Variants in MAST2 observed in about 807,000 individuals in gnomAD.
The protein encoded by MAST2 is microtubule-associated serine/threonine-protein kinase 2.
A neutral mutation model predicts 147.4 loss-of-function variants in MAST2; 70 were observed. The ratio of observed to expected loss-of-function variants is 0.47; its 90% confidence interval spans 0.39 to 0.58. MAST2 has a LOEUF of 0.58. MAST2 is among the 20% of genes least tolerant of loss of function. The pLI is 0.00. For missense variants in MAST2, 2,080 were observed against 2,302.3 expected, an observed-to-expected ratio of 0.90 and a Z score of 1.98; for synonymous variants, 869 against 896.8, an observed-to-expected ratio of 0.97 and a Z score of 0.55.
At chr1:46,015,525 C>T (rs1187718222) in intron 10 of MAST2, among the ~76,000 whole-genome samples, 1 of 152,132 alleles carries the variant, frequency 6.6e-6, no homozygotes, top group Non-Finnish European at 1.5e-5. Context: ...TACAAACTAC[C>T]ATCAGAGAAT....
chr1:46,026,926 A>G (rs1646438427), intron 16 of MAST2, among the ~76,000 whole-genome samples: 1 of 152,176 alleles, frequency 6.6e-6, no homozygotes, highest in South Asian at 2.1e-4. Context: ...ATAGGGAATA[A>G]TTACACCTAC....
chr1:46,029,356 C>T (rs903821120), intron 18 of MAST2, 110 bp from the exon 19 acceptor site: 2 of 817,444 alleles, frequency 2.4e-6, no homozygotes, highest in South Asian at 1.9e-5. Context: ...TCAGGGGCTC[C>T]AGGCTGGGTC....
intron 10 of MAST2, among the ~76,000 whole-genome samples, chr1:46,013,680 CA>C (rs71587098): frequency 0.37 from 48,737 of 132,120 alleles, 8,180 homozygotes; most frequent in African/African-American, 0.46. Context: ...AACTCTGTCT[CA>C]AAAAAAAAAA....
chr1:45,923,334 G>A (rs1009254939), intron 4 of MAST2, among the ~76,000 whole-genome samples: 2 of 152,150 alleles, frequency 1.3e-5, no homozygotes, highest in African/African-American at 4.8e-5. Flanking sequence ...CGGCGTCATG[G>A]CAGTGACTGC....
intron 3 of MAST2, among the ~76,000 whole-genome samples, chr1:45,842,649 T>C (rs986714074): frequency 2.0e-5 from 3 of 152,234 alleles, no homozygotes; most frequent in South Asian, 2.1e-4. Flanking sequence ...CTTCTTTTGG[T>C]TGAATAATAT....
chr1:45,819,813 T>G (rs1394625972), intron 1 of MAST2, among the ~76,000 whole-genome samples: 1 of 152,082 alleles, frequency 6.6e-6, no homozygotes, highest in Non-Finnish European at 1.5e-5. Context: ...AAAATACCAA[T>G]GACATTCTCC....
At position 45,959,385 on chromosome 1, in the gene MAST2, G is replaced by A; in HGVS notation, c.501-1G>A. On this transcript the variant is annotated splice_acceptor_variant, in intron 4 of 28. Coordinates refer to ENST00000361297, the MANE Select transcript of MAST2 (RefSeq NM_015112.3). LOFTEE classifies it high-confidence loss of function. The stretch of plus-strand genomic sequence containing the variant: ...TAATTCATATTTTGTTTTCATTGCA[G>A]TTGTCGGACAAGTAACCGCAAGAGC... 6.2e-7 allele frequency: 1 copy of A among 1,613,350 alleles called. No homozygotes were observed. Among genetic ancestry groups the A allele is most frequent in the Non-Finnish European group, 8.5e-7 (1 of 1,179,466 alleles).
chr1:45,814,559 G>T (rs561930774), intron 1 of MAST2, among the ~76,000 whole-genome samples: 2 of 152,140 alleles, frequency 1.3e-5, no homozygotes, highest in African/African-American at 2.4e-5. Context: ...CACCAAGGCG[G>T]GTGTATCACC....
intron 4 of MAST2, among the ~76,000 whole-genome samples, chr1:45,904,708 C>T (rs1413333949): frequency 6.6e-6 from 1 of 152,168 alleles, no homozygotes; most frequent in African/African-American, 2.4e-5. Flanking sequence ...TCAAGTGATC[C>T]ACCCTGCTTG....
At chr1:45,805,981 T>A (rs947634383) in intron 1 of MAST2, among the ~76,000 whole-genome samples, 12 of 152,264 alleles carry the variant, frequency 7.9e-5, no homozygotes, top group African/African-American at 2.9e-4. Context: ...TCTTCACTTA[T>A]GCTTTCCCAA....
At chr1:45,986,660 T>TGAGCCGA (rs1366983030) in intron 5 of MAST2, among the ~76,000 whole-genome samples, 3 of 143,164 alleles carry the variant, frequency 2.1e-5, no homozygotes, top group Non-Finnish European at 4.5e-5. Flanking sequence ...GAGCTTGCAG[T>TGAGCCGA]GAGCCGAGAT....
At chr1:45,838,703 T>C (rs146248454) in intron 3 of MAST2, among the ~76,000 whole-genome samples, 109 of 152,326 alleles carry the variant, frequency 7.2e-4, no homozygotes, top group Middle Eastern at 3.4e-3. Context: ...ACATTTTCAT[T>C]TTCTTATCAG....
chr1:46,023,967 G>A lies in MAST2; in HGVS notation c.1767G>A (p.Met589Ile). The A allele has an allele frequency of 1.2e-6, 2 of 1,614,208 alleles. No individual in the cohort carries two copies. The highest frequency in any genetic ancestry group is 1.7e-6 in the Non-Finnish European group (2 of 1,180,018). Residue 589 changes from methionine to isoleucine, a missense_variant, in exon 15 of 29, where the codon ATG becomes ATA. Physicochemically the swap from Met to Ile is conservative, Grantham distance 10. Coordinates refer to ENST00000361297, the MANE Select transcript of MAST2 (RefSeq NM_015112.3). The surrounding 1 kb of genome is among the most constrained non-coding windows in gnomAD (Gnocchi z 4.9). Reference sequence around the variant, plus strand: ...CCAAGCGCCACTTGTGCATGGTGATGGAGTACGTTGAAGGTACTGAGGCAA... The same window carrying A: ...CCAAGCGCCACTTGTGCATGGTGATAGAGTACGTTGAAGGTACTGAGGCAA... Reference protein sequence around the residue: ...FDTKRHLCMVMEYVEGGDCAT... With the variant: ...FDTKRHLCMVIEYVEGGDCAT...
At chr1:45,985,079 C>T (rs1029468726) in intron 5 of MAST2, among the ~76,000 whole-genome samples, 13 of 151,912 alleles carry the variant, frequency 8.6e-5, no homozygotes, top group South Asian at 2.1e-4. Context: ...TTTTTTGAGA[C>T]GGAGTTTCAC....
At chr1:45,949,171 A>T (rs1276747539) in intron 4 of MAST2, among the ~76,000 whole-genome samples, 2 of 152,160 alleles carry the variant, frequency 1.3e-5, no homozygotes, top group Non-Finnish European at 2.9e-5. Flanking sequence ...AGGAATGGGC[A>T]GATTTCATGA....
At position 46,031,614 on chromosome 1, in the gene MAST2, C is replaced by T. The variant is rs759187969; in HGVS notation, c.3187+29C>T. 4 of 1,595,394 alleles carry T rather than the reference C, an allele frequency of 2.5e-6. No homozygotes were observed. The South Asian group carries it at 4.5e-5, about 18-fold the overall frequency. ...AGGCCCCTGGGGAGCTGGGATAAAA[C>T]TCACAGGAAGGGCCTTGTAATCTCT... On this transcript the variant is annotated intron_variant, in intron 24 of 28. Transcript: ENST00000361297. This position sits in a 1 kb window ranked among gnomAD's most constrained non-coding sequence, Gnocchi z 4.1.
intron 4 of MAST2, among the ~76,000 whole-genome samples, chr1:45,912,205 G>A (rs1651787012): frequency 6.6e-6 from 1 of 152,172 alleles, no homozygotes. Context: ...GTGAGGGCTT[G>A]TGGCTACTAG....
At chr1:45,942,771 G>T (rs1657489574) in intron 4 of MAST2, among the ~76,000 whole-genome samples, 1 of 152,196 alleles carries the variant, frequency 6.6e-6, no homozygotes, top group Admixed American at 6.5e-5. Context: ...GATCTCCAGT[G>T]ATTAAGAATC....
At chr1:45,998,908 A>G (rs1285740187) in intron 6 of MAST2, among the ~76,000 whole-genome samples, 1 of 151,736 alleles carries the variant, frequency 6.6e-6, no homozygotes, top group Non-Finnish European at 1.5e-5. Flanking sequence ...CTTTTTTTGT[A>G]TTTTTGATAG....
Sources: allele counts gnomAD v4.1 joint callset (sites outside exome capture counted in the v4.1 genomes callset), GRCh38; gene constraint gnomAD v4.1.1; non-coding constraint Gnocchi (gnomAD v3.1); transcripts MANE v1.5; gene names NCBI Gene and HGNC (gene_info 2026-07-23, HGNC 2026-07-21).